The following DLGAP2 variants were observed in gnomAD, a reference collection of about 807,000 sequenced individuals.
The protein encoded by DLGAP2 is disks large-associated protein 2.
DLGAP2 carries 26 observed loss-of-function variants against 100.3 expected under a neutral mutation model. The observed-to-expected ratio is 0.26, with a 90% CI of 0.19 to 0.36. The LOEUF (loss-of-function observed/expected upper bound fraction) is 0.36. Among genes scored for constraint, DLGAP2 ranks in the 10% least tolerant of loss-of-function variants. DLGAP2 has a pLI of 1.00. For missense variants in DLGAP2, 1,858 were observed against 1,453.2 expected (o/e 1.28, Z -4.53); for synonymous variants, 886 against 630.1 (o/e 1.41, Z -6.08).
chr8:890,121 C>T (rs1348624474), intron 1 of DLGAP2, among the ~76,000 whole-genome samples: 7 of 152,118 alleles, frequency 4.6e-5, no homozygotes, highest in Non-Finnish European at 1.0e-4. Context: ...CCTTGGCTGC[C>T]GGTGAAGGAT....
rs922926386 is a variant in DLGAP2 at position 1,705,403 on chromosome 8, G to C, written c.*3997G>C. Reference sequence around the variant, plus strand: ...GTTTCAGTGGACAGGAGGCCCCCGTGCCGTGGCTGAGTCAGCCTGGGTACC... The same window carrying C: ...GTTTCAGTGGACAGGAGGCCCCCGTCCCGTGGCTGAGTCAGCCTGGGTACC... On this transcript the variant is annotated 3_prime_UTR_variant, in exon 15 of 15. Transcript: ENST00000637795. 1 of 152,246 alleles carries C rather than the reference G, an allele frequency of 6.6e-6. No individual in the cohort carries two copies. The highest frequency in any genetic ancestry group is 2.4e-5 in the African/African-American group (1 of 41,452). The allele number at this position is 152,246 out of a possible 1,614,324, so 9.4% of individuals were successfully genotyped here. A position where few individuals can be genotyped will look rare whatever the true frequency, so the allele number is the denominator to read the frequency against.
At position 1,707,091 on chromosome 8, in the gene DLGAP2, A is replaced by G. The variant is rs1799728624; in HGVS notation, c.*5685A>G. On this transcript the variant is annotated 3_prime_UTR_variant, in exon 15 of 15. Transcript: ENST00000637795. The stretch of plus-strand genomic sequence containing the variant: ...CTACTATCAAACTACTTTTTAACAG[A>G]TTTTGTATATACACACACAAGTTGA... 1 of 152,674 alleles carries G rather than the reference A, an allele frequency of 6.5e-6. No individual in the cohort carries two copies. Among genetic ancestry groups the G allele is most frequent in the Non-Finnish European group, 1.5e-5 (1 of 68,046 alleles). The allele number at this position is 152,674 out of a possible 1,614,324, so 9.5% of individuals were successfully genotyped here. A position where few individuals can be genotyped will look rare whatever the true frequency, so the allele number is the denominator to read the frequency against.
intron 2 of DLGAP2, among the ~76,000 whole-genome samples, chr8:926,112 G>A (rs1216206360): frequency 6.6e-6 from 1 of 152,186 alleles, no homozygotes; most frequent in African/African-American, 2.4e-5. Flanking sequence ...TGGGAGGGAT[G>A]GCTTTTCCTG....
rs146799811 is a variant in DLGAP2, at chr8:1,097,536, C to T, written c.74-161315C>T. On this transcript the variant is annotated intron_variant, in intron 2 of 14. Coordinates refer to ENST00000637795, the MANE Select transcript of DLGAP2 (RefSeq NM_001346810.2). ...GTCCCCTCCAGCGTGAGACCCACCTCCCTCTGCTCAGTAGAGTGGAGCTGG... is the reference window on the plus strand; with the variant it reads ...GTCCCCTCCAGCGTGAGACCCACCTTCCTCTGCTCAGTAGAGTGGAGCTGG... Among the ~76,000 whole-genome samples the T allele has an allele frequency of 4.1e-3, 577 of 139,528 alleles. 26 individuals are homozygous for T. Among genetic ancestry groups the T allele is most frequent in the African/African-American group, 0.015 (538 of 35,842 alleles). 91.5% of individuals were successfully genotyped at this position (139,528 alleles called of 152,430 possible).
At position 1,266,816 on chromosome 8, in the gene DLGAP2, A is replaced by G. The variant is rs527823383; in HGVS notation, c.106+7933A>G. Among the ~76,000 whole-genome samples the G allele has an allele frequency of 3.3e-5, 5 of 152,260 alleles. No homozygotes were observed. The South Asian group carries it at 6.2e-4, about 19-fold the overall frequency. On this transcript the variant is annotated intron_variant, in intron 3 of 14. Transcript: ENST00000637795. ...AAGCTATCGAGGAATACTTTGGAAT[A>G]CATGCCCTCTCCCCATTGTGTGTGC...
chr8:1,242,518 C>T (rs1044792690), intron 2 of DLGAP2, among the ~76,000 whole-genome samples: 5 of 152,360 alleles, frequency 3.3e-5, no homozygotes, highest in South Asian at 4.1e-4. Context: ...CGCCCACTTC[C>T]TCTTCAATCC....
chr8:1,007,206 T>C (rs1025085051), intron 2 of DLGAP2, among the ~76,000 whole-genome samples: 18 of 152,188 alleles, frequency 1.2e-4, no homozygotes, highest in Admixed American at 4.6e-4. Flanking sequence ...GGGGACACCG[T>C]GCATCTCAAG....
intron 2 of DLGAP2, among the ~76,000 whole-genome samples, chr8:1,112,363 C>T (rs1229046590): frequency 6.6e-6 from 1 of 151,270 alleles, no homozygotes; most frequent in East Asian, 2.0e-4. Context: ...GACTCAGCCT[C>T]CCGATTAGCT....
chr8:1,058,479 C>T (rs1219517590), intron 2 of DLGAP2, among the ~76,000 whole-genome samples: 1 of 152,200 alleles, frequency 6.6e-6, no homozygotes, highest in Non-Finnish European at 1.5e-5. Context: ...AATACCTGCC[C>T]ATGCACCCAT....
intron 6 of DLGAP2, among the ~76,000 whole-genome samples, chr8:1,601,875 A>G (rs1796635970): frequency 6.6e-6 from 1 of 151,916 alleles, no homozygotes; most frequent in South Asian, 2.1e-4. Context: ...GTTCAGTGAG[A>G]CATTTTTTTC....
chr8:1,296,832 C>T (rs923143904), intron 3 of DLGAP2, among the ~76,000 whole-genome samples: 7 of 152,190 alleles, frequency 4.6e-5, no homozygotes, highest in East Asian at 1.9e-4. Context: ...GCCCCCGAAC[C>T]ACACAGGACA....
At chr8:1,437,406 ATTAC>A (rs1407948755) in intron 3 of DLGAP2, among the ~76,000 whole-genome samples, 2 of 152,288 alleles carry the variant, frequency 1.3e-5, no homozygotes, top group Admixed American at 6.5e-5. Context: ...GACTGTACTT[ATTAC>A]TTGTAATGAT....
At chr8:1,569,241 A>G (rs767503766) in intron 6 of DLGAP2, among the ~76,000 whole-genome samples, 35 of 152,282 alleles carry the variant, frequency 2.3e-4, no homozygotes, top group Non-Finnish European at 4.4e-4. Context: ...AGTTGGGTCC[A>G]TTCTTCCATT....
intron 11 of DLGAP2, 85 bp downstream of exon 11, chr8:1,676,703 G>T: frequency 7.4e-7 from 1 of 1,354,914 alleles, no homozygotes. Flanking sequence ...GATCCTGCCG[G>T]CCCTCAATCA....
chr8:1,494,479 C>T (rs558481176), intron 3 of DLGAP2, among the ~76,000 whole-genome samples: 9 of 152,160 alleles, frequency 5.9e-5, no homozygotes, highest in Non-Finnish European at 1.3e-4. Flanking sequence ...CGCCTTAATC[C>T]CAGCACTTTG....
At chr8:1,641,633 A>C (rs1190992560) in intron 8 of DLGAP2, among the ~76,000 whole-genome samples, 9 of 152,068 alleles carry the variant, frequency 5.9e-5, no homozygotes, top group Non-Finnish European at 1.0e-4. Flanking sequence ...ATTTGGAGGG[A>C]CATGTGTATG....
At chr8:1,455,220 C>A (rs898890502) in intron 3 of DLGAP2, among the ~76,000 whole-genome samples, 1 of 152,244 alleles carries the variant, frequency 6.6e-6, no homozygotes, top group South Asian at 2.1e-4. Flanking sequence ...TCACAGCGCT[C>A]CACGTGGACG....
chr8:1,647,124 C>T (rs1350048702), intron 8 of DLGAP2, among the ~76,000 whole-genome samples: 2 of 152,166 alleles, frequency 1.3e-5, no homozygotes, highest in African/African-American at 2.4e-5. Flanking sequence ...TGTGAATTTC[C>T]AGCAGGACAC....
At chr8:1,506,694 G>C (rs1458525389) in intron 4 of DLGAP2, among the ~76,000 whole-genome samples, 4 of 152,174 alleles carry the variant, frequency 2.6e-5, no homozygotes, top group Non-Finnish European at 4.4e-5. Flanking sequence ...TTTACAGAGA[G>C]CTGATTGGTC....
Sources: gnomAD v4.1 joint callset for allele counts (sites outside exome capture counted in the v4.1 genomes callset) on GRCh38, gnomAD v4.1.1 for gene constraint, MANE v1.5 for transcripts, NCBI Gene and HGNC (gene_info 2026-07-23, HGNC 2026-07-21) for gene names.